Variants in GPR158 observed in about 807,000 individuals in gnomAD.
The protein encoded by GPR158 is metabotropic glycine receptor.
In GPR158, 30 loss-of-function variants were observed where a neutral mutation model predicts 78.2. The observed-to-expected ratio is 0.38, with a 90% confidence interval of 0.29 to 0.52. The LOEUF is 0.52. Ranked by LOEUF, GPR158 falls within the 20% of genes least tolerant of loss-of-function variation. GPR158 has a pLI of 0.83. For synonymous variants in GPR158, 581 were observed against 591.1 expected (o/e 0.98, Z 0.25); for missense variants, 1,463 against 1,523.5 (o/e 0.96, Z 0.66).
chr10:25,477,126 T>C (rs1478374040), intron 5 of GPR158, among the ~76,000 whole-genome samples: 4 of 152,036 alleles, frequency 2.6e-5, no homozygotes, highest in African/African-American at 9.7e-5. Context: ...ACTCCATTTT[T>C]TTGCGATGTA....
At chr10:25,354,854 T>C (rs1015816864) in intron 2 of GPR158, among the ~76,000 whole-genome samples, 1 of 152,106 alleles carries the variant, frequency 6.6e-6, no homozygotes, top group Non-Finnish European at 1.5e-5. Context: ...GCAGTTGTTT[T>C]CTTTCATCAC....
intron 5 of GPR158, among the ~76,000 whole-genome samples, chr10:25,512,102 T>G (rs906625058): frequency 6.6e-6 from 1 of 152,182 alleles, no homozygotes; most frequent in African/African-American, 2.4e-5. Context: ...AGAATTGTAT[T>G]GAATTTGTAG....
rs1564478063 is a variant in GPR158, at chr10:25,520,442, G to A, written c.1405-30534G>A. On this transcript the variant is annotated intron_variant, in intron 5 of 10. Coordinates refer to ENST00000376351, the MANE Select transcript of GPR158 (RefSeq NM_020752.3). The stretch of plus-strand genomic sequence containing the variant: ...GGAACTGCGTTCCTTTGGAGGAGGA[G>A]AGGCGTTCTGCGTTTTAGAGTTTCC... Among the ~76,000 whole-genome samples, 4 of 150,614 alleles carry A rather than the reference G, an allele frequency of 2.7e-5. No homozygotes were observed. In the East Asian group the frequency reaches 5.8e-4, roughly 22 times the overall value.
At chr10:25,496,394 C>T (rs958222057) in intron 5 of GPR158, among the ~76,000 whole-genome samples, 5 of 152,166 alleles carry the variant, frequency 3.3e-5, no homozygotes, top group South Asian at 2.1e-4. Context: ...TACAGCTTTA[C>T]GCCAGGCATT....
intron 2 of GPR158, among the ~76,000 whole-genome samples, chr10:25,346,323 A>G (rs978071112): frequency 6.6e-6 from 1 of 152,052 alleles, no homozygotes; most frequent in Admixed American, 6.6e-5. Flanking sequence ...TCATCTGACA[A>G]TAAAACTCAC....
intron 2 of GPR158, among the ~76,000 whole-genome samples, chr10:25,385,311 A>G (rs984329795): frequency 1.4e-4 from 21 of 152,236 alleles, no homozygotes; most frequent in African/African-American, 4.8e-4. Context: ...TCTCTTTTCA[A>G]TTCTGGATAA....
intron 7 of GPR158, among the ~76,000 whole-genome samples, chr10:25,577,650 C>CAGAT (rs1837121227): frequency 6.6e-6 from 1 of 152,066 alleles, no homozygotes; most frequent in African/African-American, 2.4e-5. Context: ...CAAAACTGCT[C>CAGAT]AGATAGATGA....
chr10:25,522,564 A>G (rs1482066134), intron 5 of GPR158, among the ~76,000 whole-genome samples: 3 of 152,208 alleles, frequency 2.0e-5, no homozygotes, highest in Non-Finnish European at 2.9e-5. Flanking sequence ...TTTGCCTTGG[A>G]GGAAATTGCA....
intron 7 of GPR158, among the ~76,000 whole-genome samples, chr10:25,584,800 C>T (rs2130743494): frequency 6.6e-6 from 1 of 152,276 alleles, no homozygotes; most frequent in Admixed American, 6.5e-5. Flanking sequence ...TAAGGAAAAA[C>T]TGGAGACAAA....
chr10:25,414,754 T>C (rs1364114901), intron 4 of GPR158, among the ~76,000 whole-genome samples: 2 of 152,190 alleles, frequency 1.3e-5, no homozygotes, highest in African/African-American at 4.8e-5. Context: ...TTTCGGAGTT[T>C]CCTATTACAT....
intron 2 of GPR158, among the ~76,000 whole-genome samples, chr10:25,253,795 G>A (rs1564403196): frequency 6.6e-6 from 1 of 152,124 alleles, no homozygotes; most frequent in African/African-American, 2.4e-5. Flanking sequence ...TGAAAGAGAA[G>A]CTTTCCTTTT....
intron 4 of GPR158, among the ~76,000 whole-genome samples, chr10:25,446,978 TC>T (rs1441704150): frequency 6.6e-6 from 1 of 152,180 alleles, no homozygotes; most frequent in Admixed American, 6.5e-5. Context: ...TGGTTCCCTT[TC>T]AGATAAAGGC....
At chr10:25,305,101 G>T (rs1286319331) in intron 2 of GPR158, among the ~76,000 whole-genome samples, 1 of 152,182 alleles carries the variant, frequency 6.6e-6, no homozygotes. Flanking sequence ...TCATCCTATA[G>T]TTTGTTTGCC....
At chr10:25,534,878 T>G (rs1836479551) in intron 5 of GPR158, among the ~76,000 whole-genome samples, 1 of 122,904 alleles carries the variant, frequency 8.1e-6, no homozygotes, top group South Asian at 2.6e-4. Context: ...AATAAAAAAG[T>G]CACTTCTCAG....
At chr10:25,251,393 A>G (rs2130721872) in intron 2 of GPR158, among the ~76,000 whole-genome samples, 1 of 148,670 alleles carries the variant, frequency 6.7e-6, no homozygotes, top group Middle Eastern at 3.5e-3. Context: ...TAGTTGATGC[A>G]GTTTCTTCCT....
chr10:25,181,665 T>G (rs780344645), intron 1 of GPR158, among the ~76,000 whole-genome samples: 1 of 152,218 alleles, frequency 6.6e-6, no homozygotes, highest in Non-Finnish European at 1.5e-5. Context: ...AGATGACTCC[T>G]TATAAACCTA....
chr10:25,471,738 C>T (rs1481145731), intron 5 of GPR158, among the ~76,000 whole-genome samples: 9 of 152,246 alleles, frequency 5.9e-5, no homozygotes, highest in African/African-American at 2.2e-4. Flanking sequence ...TTTCATGTGT[C>T]TGTTGGCTGC....
rs1361059612 is a variant in GPR158, at chr10:25,176,300, C to T, written c.880C>T (p.Pro294Ser). 2 of 1,589,192 alleles carry T rather than the reference C, an allele frequency of 1.3e-6. No homozygotes were observed. Among genetic ancestry groups the T allele is most frequent in the Admixed American group, 1.8e-5 (1 of 56,460 alleles). ...TLSSAIYGLQ[P>S]NLVPEFRGVM... ...TTCCTCTGCCATCTACGGGTTGCAG[C>T]CTAACCTGGTCCCGGAATTCAGGTA... The change falls in exon 1 of 11, where the codon CCT becomes TCT. Residue 294 changes from proline to serine, a missense_variant. By Grantham distance (74) the Pro-to-Ser change is moderately conservative (BLOSUM62 -1). Transcript: ENST00000376351. The surrounding 1 kb of genome is among the most constrained non-coding windows in gnomAD (Gnocchi z 6.3).
At chr10:25,433,673 CCTTTCTTT>C (rs1205836068) in intron 4 of GPR158, among the ~76,000 whole-genome samples, 1 of 125,642 alleles carries the variant, frequency 8.0e-6, no homozygotes, top group Non-Finnish European at 1.6e-5. Flanking sequence ...AGGGCATTTT[CCTTTCTTT>C]CTTTCTTTCT....
Sources: allele counts gnomAD v4.1 joint callset (sites outside exome capture counted in the v4.1 genomes callset), GRCh38; gene constraint gnomAD v4.1.1; non-coding constraint Gnocchi (gnomAD v3.1); transcripts MANE v1.5; gene names NCBI Gene and HGNC (gene_info 2026-07-23, HGNC 2026-07-21).